Variants in TENT4B observed in about 807,000 individuals in gnomAD.
The protein encoded by TENT4B is terminal nucleotidyltransferase 4B.
In TENT4B, 10 loss-of-function variants were observed where a neutral mutation model predicts 75.0. That is an observed-to-expected ratio of 0.13 (90% CI 0.08 to 0.23). The LOEUF is 0.23. TENT4B is among the 10% of genes least tolerant of loss of function. The pLI, the probability that TENT4B is intolerant of heterozygous loss-of-function variation, is 1.00. For missense variants in TENT4B, 579 were observed against 893.8 expected (o/e 0.65, Z 4.49); for synonymous variants, 350 against 357.7 (o/e 0.98, Z 0.24).
chr16:50,170,500 A>G (rs969733126), intron 1 of TENT4B, among the ~76,000 whole-genome samples: 2 of 152,204 alleles, frequency 1.3e-5, no homozygotes, highest in African/African-American at 2.4e-5. Context: ...ACTATGTAAC[A>G]AGCATGGTAG....
chr16:50,228,765 G>T (rs779982513), intron 11 of TENT4B, among the ~76,000 whole-genome samples: 3 of 152,222 alleles, frequency 2.0e-5, no homozygotes, highest in Non-Finnish European at 2.9e-5. Flanking sequence ...CAGGCCATGA[G>T]TAGCAGGAAG....
In TENT4B at chr16:50,225,243, A is replaced by G. The variant is rs2031996547; in HGVS notation, c.1758A>G (p.Pro586=). ...ACTCTTCAAACTCTTCATCAGGTCC[A>G]GTGTCGTCCTCTTCTGCCACACAGT... The part of the protein sequence containing the change: ...SKHSSNSSSG[P]VSSSSATQSS... The change falls in exon 10 of 12, where the codon CCA becomes CCG. Residue 586 remains proline, a synonymous_variant. Transcript: ENST00000561678. 2 of 1,612,316 alleles carry G rather than the reference A, an allele frequency of 1.2e-6. No homozygotes were observed. Among genetic ancestry groups the G allele is most frequent in the Non-Finnish European group, 8.5e-7 (1 of 1,178,456 alleles).
chr16:50,176,362 G>A (rs1461913628), intron 1 of TENT4B, among the ~76,000 whole-genome samples: 1 of 151,588 alleles, frequency 6.6e-6, no homozygotes, highest in Non-Finnish European at 1.5e-5. Context: ...TGCGATTACA[G>A]GCATGAACCA....
At chr16:50,221,179 C>T (rs946420385) in intron 5 of TENT4B, among the ~76,000 whole-genome samples, 4 of 151,946 alleles carry the variant, frequency 2.6e-5, no homozygotes, top group Non-Finnish European at 5.9e-5. Flanking sequence ...TCACTTGAGC[C>T]CAGGAGCTGG....
In TENT4B at chr16:50,232,555, C is replaced by G. The variant is rs181070934; in HGVS notation, c.*3227C>G. The G allele has an allele frequency of 3.7e-5, 36 of 985,124 alleles. No homozygotes were observed. In the African/African-American group the frequency reaches 5.6e-4, roughly 15 times the overall value. The allele number at this position is 985,124 out of a possible 1,614,324, so 61.0% of individuals were successfully genotyped here. A position where few individuals can be genotyped will look rare whatever the true frequency, so the allele number is the denominator to read the frequency against. On this transcript the variant is annotated 3_prime_UTR_variant, in exon 12 of 12. Coordinates refer to ENST00000561678, the MANE Select transcript of TENT4B (RefSeq NM_001365324.3). The stretch of plus-strand genomic sequence containing the variant: ...CTCCCCCATGAAATGGTAAGTGTGA[C>G]TTGTGTTTGCCTGAACCTGTGGACT...
At chr16:50,223,127 G>A in intron 6 of TENT4B, 47 bp from the exon 7 acceptor site, 1 of 1,432,636 alleles carries the variant, frequency 7.0e-7, no homozygotes, top group Non-Finnish European at 9.6e-7. Flanking sequence ...CCCTCTCCTT[G>A]ATAATTTAGC....
In TENT4B at chr16:50,232,894, G is replaced by C. The variant is rs2032337733; in HGVS notation, c.*3566G>C. The C allele has an allele frequency of 1.0e-6, 1 of 985,354 alleles. No homozygotes were observed. The highest frequency in any genetic ancestry group is 1.2e-6 in the Non-Finnish European group (1 of 829,902). The allele number at this position is 985,354 out of a possible 1,614,324, so 61.0% of individuals were successfully genotyped here. A position where few individuals can be genotyped will look rare whatever the true frequency, so the allele number is the denominator to read the frequency against. ...AACCAAGAATGTTTCTAGGCAGTTG[G>C]TTGCTTCACAGTCAAAACTAAATGG... On this transcript the variant is annotated 3_prime_UTR_variant, in exon 12 of 12. Coordinates refer to ENST00000561678, the MANE Select transcript of TENT4B (RefSeq NM_001365324.3).
rs370292728 is a variant in TENT4B at position 50,214,206 on chromosome 16, C to G, written c.763-15C>G. 8.4e-6 allele frequency: 13 copies of G among 1,555,220 alleles called. No individual in the cohort carries two copies. The highest frequency in any genetic ancestry group is 1.7e-5 in the Admixed American group (1 of 57,298). ...TGATAACTCAATATAATAACAACTT[C>G]TTTTTCTGTTTCAGGTCCAGATATT... On this transcript the variant is annotated splice_polypyrimidine_tract_variant and intron_variant, in intron 2 of 11. Transcript: ENST00000561678.
chr16:50,154,283 A>G (rs1223396551), intron 1 of TENT4B, 24 bp downstream of exon 1: 2 of 1,394,400 alleles, frequency 1.4e-6, no homozygotes, highest in Non-Finnish European at 1.9e-6. Flanking sequence ...CTGCGGCCCG[A>G]TGGCCTGGCC....
At position 50,230,423 on chromosome 16, in the gene TENT4B, T is replaced by C; in HGVS notation, c.*1095T>C. ...GTGTGCTGCGTGTGCCTGTTTCTCA[T>C]CTCTTATTCTTTTTAAAATTCATGC... On this transcript the variant is annotated 3_prime_UTR_variant, in exon 12 of 12. Coordinates refer to ENST00000561678, the MANE Select transcript of TENT4B (RefSeq NM_001365324.3). 2.0e-6 allele frequency: 2 copies of C among 985,778 alleles called. No homozygotes were observed. Among genetic ancestry groups the C allele is most frequent in the Non-Finnish European group, 2.4e-6 (2 of 829,902 alleles). The allele number at this position is 985,778 out of a possible 1,614,324, so 61.1% of individuals were successfully genotyped here.
At chr16:50,202,231 T>C (rs1017025239) in intron 1 of TENT4B, among the ~76,000 whole-genome samples, 12 of 152,188 alleles carry the variant, frequency 7.9e-5, no homozygotes, top group African/African-American at 2.9e-4. Flanking sequence ...AGGTGCCCCT[T>C]TGGTAGTTCT....
rs917278229 is a variant in TENT4B at position 50,222,223 on chromosome 16, G to A, written c.1039-83G>A. 5 of 1,298,624 alleles carry A rather than the reference G, an allele frequency of 3.9e-6. No individual in the cohort carries two copies. In the Admixed American group the frequency reaches 1.4e-4, roughly 35 times the overall value. The allele number at this position is 1,298,624 out of a possible 1,614,324, so 80.4% of individuals were successfully genotyped here. Reference sequence around the variant, plus strand: ...GTATATCTCTACCAAATTTTATAATGTAAGGACCAATTTATGCCCCTCTTA... The same window carrying A: ...GTATATCTCTACCAAATTTTATAATATAAGGACCAATTTATGCCCCTCTTA... On this transcript the variant is annotated intron_variant, in intron 5 of 11. Transcript: ENST00000561678.
chr16:50,210,912 G>A (rs2031244039), intron 1 of TENT4B, among the ~76,000 whole-genome samples: 1 of 152,158 alleles, frequency 6.6e-6, no homozygotes, highest in African/African-American at 2.4e-5. Context: ...AATTCACTGA[G>A]CAAACATTAT....
intron 1 of TENT4B, among the ~76,000 whole-genome samples, chr16:50,163,658 C>G (rs1211603675): frequency 6.6e-6 from 1 of 151,212 alleles, no homozygotes; most frequent in Admixed American, 6.6e-5. Flanking sequence ...CTCGGCCTCC[C>G]AAAGTACTGG....
intron 1 of TENT4B, among the ~76,000 whole-genome samples, chr16:50,198,976 G>A (rs2030462964): frequency 6.6e-6 from 1 of 152,210 alleles, no homozygotes; most frequent in Non-Finnish European, 1.5e-5. Flanking sequence ...GGTGGTATTT[G>A]CTTTAGTGAC....
chr16:50,153,305 T>C (rs1265924916), upstream of TENT4B, among the ~76,000 whole-genome samples: 38 of 142,044 alleles, frequency 2.7e-4, no homozygotes, highest in Admixed American at 5.6e-4. Flanking sequence ...CGCCGCTCGC[T>C]CTTCTGTGGA....
chr16:50,224,406 T>G (rs1329481278), intron 7 of TENT4B, among the ~76,000 whole-genome samples: 1 of 152,204 alleles, frequency 6.6e-6, no homozygotes, highest in Admixed American at 6.5e-5. Flanking sequence ...GCATAACTGT[T>G]TATGTATGGA....
chr16:50,225,128 A>G lies in TENT4B; in HGVS notation c.1643A>G (p.Gln548Arg), dbSNP rs1190312143. The stretch of plus-strand genomic sequence containing the variant: ...GGTGTTACCTTGATAGTAGATACTC[A>G]GCAGTTAGATAAATGTAATAATAAT... ...GNGVTLIVDT[Q>R]QLDKCNNNLS... Residue 548 changes from glutamine to arginine, a missense_variant, in exon 10 of 12, where the codon CAG (glutamine) becomes CGG (arginine). This residue lies in a region of TENT4B where 164 missense variants were observed against 226.5 expected (regional missense o/e 0.72). Transcript: ENST00000561678. The G allele has an allele frequency of 8.1e-6, 13 of 1,613,170 alleles. No individual in the cohort carries two copies. Among genetic ancestry groups the G allele is most frequent in the Non-Finnish European group, 9.3e-6 (11 of 1,179,320 alleles).
chr16:50,224,391 T>G (rs907795386), intron 7 of TENT4B, among the ~76,000 whole-genome samples: 4 of 152,238 alleles, frequency 2.6e-5, no homozygotes, highest in African/African-American at 9.6e-5. Flanking sequence ...CTATTTCTTT[T>G]GTTTGCATAA....
Sources: gnomAD v4.1 joint callset for allele counts (sites outside exome capture counted in the v4.1 genomes callset) on GRCh38, gnomAD v4.1.1 for gene constraint, gnomAD v4.1.1 regional missense constraint, MANE v1.5 for transcripts, NCBI Gene and HGNC (gene_info 2026-07-23, HGNC 2026-07-21) for gene names.